The following MEGF9 variants were observed in gnomAD, a reference collection of about 807,000 sequenced individuals.
MEGF9 encodes multiple epidermal growth factor-like domains protein 9.
MEGF9 carries 6 observed loss-of-function variants against 46.8 expected under a neutral mutation model. That is an observed-to-expected ratio of 0.13 (90% CI 0.07 to 0.25). MEGF9 has a LOEUF of 0.25. Among genes scored for constraint, MEGF9 ranks in the 10% least tolerant of loss-of-function variants. MEGF9 has a pLI of 1.00. For missense variants in MEGF9, 683 were observed against 792.4 expected (o/e 0.86, Z 1.66); for synonymous variants, 302 against 330.7 (o/e 0.91, Z 0.94).
At chr9:120,664,962 CAGATT>C (rs2043718580) in intron 1 of MEGF9, among the ~76,000 whole-genome samples, 2 of 152,144 alleles carry the variant, frequency 1.3e-5, no homozygotes. Context: ...GTGTAATGAT[CAGATT>C]AAATAGCACA....
At chr9:120,699,082 G>T (rs900964586) in intron 1 of MEGF9, among the ~76,000 whole-genome samples, 5 of 152,152 alleles carry the variant, frequency 3.3e-5, no homozygotes, top group African/African-American at 7.2e-5. Flanking sequence ...TTCTGCCAGG[G>T]AGTACCAAGT....
intron 1 of MEGF9, among the ~76,000 whole-genome samples, chr9:120,670,826 C>G (rs773574644): frequency 3.9e-5 from 6 of 152,148 alleles, no homozygotes; most frequent in Admixed American, 2.0e-4. Flanking sequence ...CCTACTTGAG[C>G]CTTTTCAAGC....
chr9:120,693,294 AGAAGAAG>A (rs2043859457), intron 1 of MEGF9, among the ~76,000 whole-genome samples: 1 of 89,622 alleles, frequency 1.1e-5, no homozygotes, highest in African/African-American at 3.7e-5. Context: ...AAAAAAAAAA[AGAAGAAG>A]AAGAAGAAGA....
At chr9:120,640,600 A>C (rs1479908354) in intron 2 of MEGF9, among the ~76,000 whole-genome samples, 2 of 151,832 alleles carry the variant, frequency 1.3e-5, no homozygotes, top group African/African-American at 4.9e-5. Flanking sequence ...TCCAAAGTCT[A>C]TGTGTGCTTT....
chr9:120,621,339 C>G (rs947236324), intron 3 of MEGF9, among the ~76,000 whole-genome samples: 1 of 152,158 alleles, frequency 6.6e-6, no homozygotes, highest in African/African-American at 2.4e-5. Context: ...CACATCTTCC[C>G]TGCTCTGTTC....
At chr9:120,712,172 C>T (rs2043957073) in intron 1 of MEGF9, among the ~76,000 whole-genome samples, 1 of 152,118 alleles carries the variant, frequency 6.6e-6, no homozygotes, top group Non-Finnish European at 1.5e-5. Flanking sequence ...GTGGGAGGAT[C>T]GCTTGAGCCT....
At chr9:120,650,091 C>T (rs1409315589) in intron 2 of MEGF9, among the ~76,000 whole-genome samples, 1 of 152,094 alleles carries the variant, frequency 6.6e-6, no homozygotes, top group African/African-American at 2.4e-5. Context: ...ATGGTGAAAT[C>T]CCGTCTCTAC....
intron 2 of MEGF9, among the ~76,000 whole-genome samples, chr9:120,647,385 T>C (rs1274055024): frequency 1.3e-5 from 2 of 152,164 alleles, no homozygotes; most frequent in African/African-American, 4.8e-5. Context: ...TAATTTGTTT[T>C]TCCATGAACT....
intron 2 of MEGF9, among the ~76,000 whole-genome samples, chr9:120,637,227 T>C (rs2043581297): frequency 6.6e-6 from 1 of 152,104 alleles, no homozygotes; most frequent in Admixed American, 6.5e-5. Flanking sequence ...GAAGGCAGCA[T>C]GCTCGTTAAG....
rs1483289168 is a variant in MEGF9 at position 120,605,521 on chromosome 9, A to T, written c.1478T>A (p.Phe493Tyr). The change falls in exon 6 of 6, where the codon TTT (phenylalanine) becomes TAT (tyrosine). Residue 493 changes from phenylalanine (F) to tyrosine (Y), a missense_variant. By Grantham distance (22) the Phe-to-Tyr change is conservative. This residue lies in a region of MEGF9 where 313 missense variants were observed against 421.1 expected (regional missense o/e 0.74). Transcript: ENST00000373930. This position sits in a 1 kb window ranked among gnomAD's most constrained non-coding sequence, Gnocchi z 4.0. ...TFTPTTLQTI[F>Y]SVSTSENSTS... Reference sequence around the variant, plus strand: ...GCTGTTTTCAGAAGTGCTTACTGAAAAGATAGTCTGCAGGGTTGTAGGGGT... The same window carrying T: ...GCTGTTTTCAGAAGTGCTTACTGAATAGATAGTCTGCAGGGTTGTAGGGGT... 1.9e-6 allele frequency: 3 copies of T among 1,613,954 alleles called. No individual in the cohort carries two copies. Among genetic ancestry groups the T allele is most frequent in the Admixed American group, 1.7e-5 (1 of 60,002 alleles).
In MEGF9 at chr9:120,622,662, C is replaced by T; in HGVS notation, c.897G>A (p.Leu299=). The T allele has an allele frequency of 6.2e-7, 1 of 1,605,246 alleles. No homozygotes were observed. Among genetic ancestry groups the T allele is most frequent in the Non-Finnish European group, 8.5e-7 (1 of 1,177,280 alleles). The change falls in exon 3 of 6, where the codon TTG becomes TTA. Residue 299 remains leucine, a synonymous_variant. Transcript: ENST00000373930. ...CAGACCGATTATTGCATTGGCAGGG[C>T]AAGCAGCCATTCTTACTAAAGCCAT... ...GYYGFSKNGC[L]PCQCNNRSAS...
chr9:120,695,603 CAAAAAAAAAAAAAA>C (rs370281228), intron 1 of MEGF9, among the ~76,000 whole-genome samples: 653 of 18,686 alleles, frequency 0.035, 33 homozygotes, highest in Non-Finnish European at 0.046. Flanking sequence ...GACCCCATCT[CAAAAAAAAAAAAAA>C]AAAAAAAAAA....
At chr9:120,707,503 TATGAAAAA>T (rs2043934048) in intron 1 of MEGF9, among the ~76,000 whole-genome samples, 1 of 152,218 alleles carries the variant, frequency 6.6e-6, no homozygotes, top group Non-Finnish European at 1.5e-5. Context: ...GGAATGTATT[TATGAAAAA>T]ATGAAAAAAT....
At chr9:120,696,227 T>C (rs2043876321) in intron 1 of MEGF9, among the ~76,000 whole-genome samples, 1 of 152,214 alleles carries the variant, frequency 6.6e-6, no homozygotes, top group African/African-American at 2.4e-5. Flanking sequence ...AATCAATAAA[T>C]GATTTCTGTT....
intron 2 of MEGF9, among the ~76,000 whole-genome samples, chr9:120,631,529 G>C (rs1206186491): frequency 2.6e-5 from 4 of 151,548 alleles, no homozygotes; most frequent in African/African-American, 4.9e-5. Context: ...CTGTCACCCG[G>C]GCTGGAGTGC....
chr9:120,670,849 C>A (rs1187934253), intron 1 of MEGF9, among the ~76,000 whole-genome samples: 3 of 152,190 alleles, frequency 2.0e-5, no homozygotes, highest in Non-Finnish European at 2.9e-5. Flanking sequence ...TCACTCTTTA[C>A]AGAATTTACC....
At chr9:120,694,762 A>G (rs958182287) in intron 1 of MEGF9, among the ~76,000 whole-genome samples, 15 of 152,306 alleles carry the variant, frequency 9.8e-5, no homozygotes, top group African/African-American at 3.4e-4. Flanking sequence ...TAGGTCTAGG[A>G]AAAAATTTCA....
At chr9:120,628,469 T>TTTG (rs2043536122) in intron 2 of MEGF9, among the ~76,000 whole-genome samples, 1 of 31,284 alleles carries the variant, frequency 3.2e-5, no homozygotes, top group East Asian at 1.0e-3. Flanking sequence ...CTTGTCGTTG[T>TTTG]TTTTTTTTTT....
At chr9:120,606,513 T>A (rs2043420977) in intron 5 of MEGF9, among the ~76,000 whole-genome samples, 1 of 152,232 alleles carries the variant, frequency 6.6e-6, no homozygotes, top group South Asian at 2.1e-4. Context: ...GTGTAGGAAT[T>A]CTTCCTTTGT....
Sources: gnomAD v4.1 joint callset for allele counts (sites outside exome capture counted in the v4.1 genomes callset) on GRCh38, gnomAD v4.1.1 for gene constraint, gnomAD v4.1.1 regional missense constraint, Gnocchi (gnomAD v3.1) non-coding constraint, MANE v1.5 for transcripts, NCBI Gene and HGNC (gene_info 2026-07-23, HGNC 2026-07-21) for gene names.